PRKCA: variants seen among roughly 807,000 people sequenced by gnomAD.
PRKCA encodes protein kinase C alpha.
In PRKCA, 27 loss-of-function variants were observed where a neutral mutation model predicts 87.0. The observed-to-expected ratio is 0.31, with a 90% CI of 0.23 to 0.43. The LOEUF (loss-of-function observed/expected upper bound fraction) is 0.43. Ranked by LOEUF, PRKCA falls within the 20% of genes least tolerant of loss-of-function variation. The probability of loss-of-function intolerance (pLI) is 1.00; values close to 1 mark genes in which losing one functional copy is unlikely to be tolerated. For missense variants in PRKCA, 518 were observed against 852.3 expected (o/e 0.61, Z 4.88); for synonymous variants, 329 against 311.1 (o/e 1.06, Z -0.61).
At chr17:66,589,980 G>T (rs182818723) in intron 3 of PRKCA, among the ~76,000 whole-genome samples, 1 of 152,120 alleles carries the variant, frequency 6.6e-6, no homozygotes, top group African/African-American at 2.4e-5. Context: ...ATCTCATGCC[G>T]CCGGTGATCT....
chr17:66,555,614 A>T (rs1303019560), intron 3 of PRKCA, among the ~76,000 whole-genome samples: 1 of 152,186 alleles, frequency 6.6e-6, no homozygotes, highest in Admixed American at 6.5e-5. Context: ...TTTCTAGACA[A>T]CTTGTAGCCT....
chr17:66,374,623 C>T (rs866725296), intron 2 of PRKCA, among the ~76,000 whole-genome samples: 1 of 151,966 alleles, frequency 6.6e-6, no homozygotes, highest in African/African-American at 2.4e-5. Context: ...AGCAGGCTTC[C>T]TGGTCTGTGG....
chr17:66,409,291 G>C (rs1408854901), intron 2 of PRKCA, among the ~76,000 whole-genome samples: 1 of 152,136 alleles, frequency 6.6e-6, no homozygotes, highest in East Asian at 1.9e-4. Context: ...GGATGCTTCT[G>C]TGAGGCCTTA....
At chr17:66,726,064 G>A (rs1973739663) in intron 8 of PRKCA, among the ~76,000 whole-genome samples, 3 of 152,064 alleles carry the variant, frequency 2.0e-5, no homozygotes, top group Non-Finnish European at 2.9e-5. Flanking sequence ...CCCATAACTC[G>A]GGCACCTCGG....
chr17:66,765,174 G>C (rs1974770135), intron 13 of PRKCA, among the ~76,000 whole-genome samples: 1 of 151,988 alleles, frequency 6.6e-6, no homozygotes, highest in Non-Finnish European at 1.5e-5. Context: ...AGCGCTTTGG[G>C]AGGCCGAGGC....
intron 3 of PRKCA, among the ~76,000 whole-genome samples, chr17:66,510,120 A>G (rs992079968): frequency 1.3e-5 from 2 of 152,214 alleles, no homozygotes; most frequent in African/African-American, 4.8e-5. Flanking sequence ...TACTGGCCCA[A>G]CAAGAAACAG....
chr17:66,741,689 G>A lies in PRKCA; in HGVS notation c.1353G>A (p.Leu451=), dbSNP rs745386914. The A allele has an allele frequency of 2.0e-5, 33 of 1,614,024 alleles. No individual in the cohort carries two copies. The highest frequency in any genetic ancestry group is 2.5e-5 in the Non-Finnish European group (30 of 1,180,024). The change falls in exon 12 of 17, where the codon TTG becomes TTA. Residue 451 remains leucine (L), a synonymous_variant. Transcript: ENST00000413366. ...ATGCGGCAGAGATTTCCATCGGATT[G>A]TTCTTTCTTCATAAAAGAGGAATCA... The part of the protein sequence containing the change: ...VFYAAEISIG[L]FFLHKRGIIY...
intron 2 of PRKCA, among the ~76,000 whole-genome samples, chr17:66,312,215 T>C (rs1905120690): frequency 6.6e-6 from 1 of 152,154 alleles, no homozygotes; most frequent in Admixed American, 6.5e-5. Context: ...CTCCAGACCT[T>C]AGGTGATCCT....
chr17:66,482,125 AG>A (rs1289345722), intron 2 of PRKCA, among the ~76,000 whole-genome samples: 1 of 151,542 alleles, frequency 6.6e-6, no homozygotes, highest in Non-Finnish European at 1.5e-5. Flanking sequence ...AAAGAAAAAA[AG>A]AAAAAAAAGA....
At chr17:66,443,770 A>G (rs200034474) in intron 2 of PRKCA, among the ~76,000 whole-genome samples, 1 of 152,182 alleles carries the variant, frequency 6.6e-6, no homozygotes, top group East Asian at 1.9e-4. Flanking sequence ...AAGTTAGCTA[A>G]TATTAAATTC....
chr17:66,456,895 G>T (rs920626941), intron 2 of PRKCA, among the ~76,000 whole-genome samples: 1 of 152,192 alleles, frequency 6.6e-6, no homozygotes, highest in Non-Finnish European at 1.5e-5. Context: ...GCTGATGGGA[G>T]TTGTTTCAGT....
chr17:66,735,635 G>A lies in PRKCA; in HGVS notation c.1203G>A (p.Thr401=), dbSNP rs370620237. 26 of 1,613,978 alleles carry A rather than the reference G, an allele frequency of 1.6e-5. No individual in the cohort carries two copies. Among genetic ancestry groups the A allele is most frequent in the South Asian group, 1.3e-4 (12 of 91,078 alleles). The change falls in exon 10 of 17, where the codon ACG becomes ACA. Residue 401 remains threonine, a synonymous_variant. Transcript: ENST00000413366. ...TGCTTGACAAACCCCCGTTCTTGACGCAGCTGCACTCCTGCTTCCAGACAG... is the reference window on the plus strand; with the variant it reads ...TGCTTGACAAACCCCCGTTCTTGACACAGCTGCACTCCTGCTTCCAGACAG... The part of the protein sequence containing the change: ...LALLDKPPFL[T]QLHSCFQTVD...
intron 2 of PRKCA, among the ~76,000 whole-genome samples, chr17:66,401,117 C>T (rs1371486959): frequency 6.6e-6 from 1 of 152,148 alleles, no homozygotes; most frequent in Non-Finnish European, 1.5e-5. Context: ...ACAGTTCCCG[C>T]CCTCAAGGGA....
chr17:66,303,088 C>T, intron 1 of PRKCA, 64 bp downstream of exon 1: 1 of 1,570,276 alleles, frequency 6.4e-7, no homozygotes, highest in Non-Finnish European at 8.6e-7. Context: ...GCACCCGGCG[C>T]TCCGGCGCGT....
At chr17:66,527,664 G>A (rs1377451718) in intron 3 of PRKCA, among the ~76,000 whole-genome samples, 1 of 152,180 alleles carries the variant, frequency 6.6e-6, no homozygotes, top group Middle Eastern at 3.2e-3. Flanking sequence ...GGCCTCATGG[G>A]TCAGCATATA....
At chr17:66,733,402 T>A (rs1973953167) in intron 9 of PRKCA, among the ~76,000 whole-genome samples, 1 of 152,186 alleles carries the variant, frequency 6.6e-6, no homozygotes, top group Non-Finnish European at 1.5e-5. Context: ...AAAGCTTGAC[T>A]TATCTGTGAG....
At position 66,781,866 on chromosome 17, in the gene PRKCA, G is replaced by GAT. The variant is rs766995438; in HGVS notation, c.1606-5000_1606-4999insTA. On this transcript the variant is annotated intron_variant, in intron 14 of 16. Transcript: ENST00000413366. The stretch of plus-strand genomic sequence containing the variant: ...AAATTTTGTGAGAGAGAGAGAGAGA[G>GAT]AGATATATATATATATATATAGTGT... Among the ~76,000 whole-genome samples the GAT allele has an allele frequency of 7.2e-3, 950 of 132,672 alleles. 4 individuals carry two copies. Among genetic ancestry groups the GAT allele is most frequent in the South Asian group, 0.018 (79 of 4,308 alleles). The allele number at this position is 132,672 out of a possible 152,430, so 87.0% of individuals were successfully genotyped here. A position where few individuals can be genotyped will look rare whatever the true frequency, so the allele number is the denominator to read the frequency against.
intron 2 of PRKCA, among the ~76,000 whole-genome samples, chr17:66,366,300 A>G (rs1908719804): frequency 6.6e-6 from 1 of 152,238 alleles, no homozygotes; most frequent in South Asian, 2.1e-4. Flanking sequence ...ATAGATTGCT[A>G]TAGGTAGAAA....
At chr17:66,555,905 C>A (rs8079434) in intron 3 of PRKCA, among the ~76,000 whole-genome samples, 1 of 152,052 alleles carries the variant, frequency 6.6e-6, no homozygotes, top group Non-Finnish European at 1.5e-5. Flanking sequence ...CTTGGCAATG[C>A]GTGCTACTAA....
Sources: allele counts gnomAD v4.1 joint callset (sites outside exome capture counted in the v4.1 genomes callset), GRCh38; gene constraint gnomAD v4.1.1; transcripts MANE v1.5; gene names NCBI Gene and HGNC (gene_info 2026-07-23, HGNC 2026-07-21).